Variants in KITLG observed in about 807,000 individuals in gnomAD.
KITLG encodes the protein c-Kit ligand.
Under a neutral mutation model 34.1 loss-of-function variants are expected in KITLG, and 13 were observed. The observed-to-expected ratio is 0.38, with a 90% CI of 0.25 to 0.61. The LOEUF (loss-of-function observed/expected upper bound fraction) is 0.61, where lower values mean the gene tolerates loss of function less well. Ranked by LOEUF, KITLG falls within the 20% of genes least tolerant of loss-of-function variation. The probability of loss-of-function intolerance (pLI) is 0.60; values close to 1 mark genes in which losing one functional copy is unlikely to be tolerated. For synonymous variants in KITLG, 110 were observed against 104.0 expected (o/e 1.06, Z -0.35); for missense variants, 292 against 318.9 (o/e 0.92, Z 0.64).
Position 88,542,873 on chromosome 12 carries a change from G to T in KITLG, c.129+2879C>A, listed in dbSNP as rs369289494. Among the ~76,000 whole-genome samples the T allele has an allele frequency of 5.9e-5, 9 of 152,192 alleles. No individual in the cohort carries two copies. In the East Asian group the frequency reaches 1.4e-3, roughly 23 times the overall value. ...TGACCTACTTTAAACATATTTTGGA[G>T]ATTTGTATTAATCTGGCATCCTTAT... On this transcript the variant is annotated intron_variant, in intron 2 of 9. Coordinates refer to ENST00000644744, the MANE Select transcript of KITLG (RefSeq NM_000899.5).
chr12:88,558,076 G>T (rs1172613945), intron 1 of KITLG, among the ~76,000 whole-genome samples: 2 of 152,146 alleles, frequency 1.3e-5, no homozygotes, highest in African/African-American at 4.8e-5. Context: ...TGTGAAATGA[G>T]CATAGGCTTC....
chr12:88,579,985 G>C (rs190054318), intron 1 of KITLG: 9 of 579,390 alleles, frequency 1.6e-5, no homozygotes, highest in South Asian at 4.3e-5. Flanking sequence ...TCCACCAGAC[G>C]GGAATTACGG....
intron 9 of KITLG, among the ~76,000 whole-genome samples, chr12:88,501,511 C>A (rs887818105): frequency 1.3e-5 from 2 of 152,164 alleles, no homozygotes; most frequent in African/African-American, 4.8e-5. Context: ...CCAGACCTTC[C>A]CTCTACTACA....
chr12:88,547,338 C>T (rs898510879), intron 1 of KITLG, among the ~76,000 whole-genome samples: 6 of 152,120 alleles, frequency 3.9e-5, no homozygotes, highest in Non-Finnish European at 8.8e-5. Flanking sequence ...GGTTTGTATT[C>T]AAGATTGAAA....
In KITLG at chr12:88,493,406, A is replaced by G. The variant is rs1013972609; in HGVS notation, c.*3813T>C. The G allele has an allele frequency of 1.3e-5, 2 of 152,336 alleles. No individual in the cohort carries two copies. The highest frequency in any genetic ancestry group is 4.1e-4 in the South Asian group (2 of 4,826). 9.4% of individuals were successfully genotyped at this position (152,336 alleles called of 1,614,324 possible). A position where few individuals can be genotyped will look rare whatever the true frequency, so the allele number is the denominator to read the frequency against. ...CTTGTTATAAAATGAAAGTACCATT[A>G]TTTTATTTTTACAAACAAAGGCATT... is the stretch of plus-strand genomic sequence containing the variant. On this transcript the variant is annotated 3_prime_UTR_variant, in exon 10 of 10. Transcript: ENST00000644744.
intron 6 of KITLG, among the ~76,000 whole-genome samples, chr12:88,512,480 G>A (rs1225452522): frequency 1.3e-5 from 2 of 151,846 alleles, no homozygotes; most frequent in Non-Finnish European, 2.9e-5. Flanking sequence ...TAAAAAATTT[G>A]AAAAATTTAT....
At chr12:88,527,623 GAGA>G (rs1269859559) in intron 3 of KITLG, among the ~76,000 whole-genome samples, 1 of 152,190 alleles carries the variant, frequency 6.6e-6, no homozygotes, top group Non-Finnish European at 1.5e-5. Context: ...CTTTGAGAAG[GAGA>G]AGGATTGCTT....
intron 6 of KITLG, among the ~76,000 whole-genome samples, chr12:88,509,255 A>G (rs1354504989): frequency 1.3e-5 from 2 of 152,218 alleles, no homozygotes; most frequent in African/African-American, 4.8e-5. Flanking sequence ...CAAGGTAGCC[A>G]AACACCATGT....
intron 9 of KITLG, among the ~76,000 whole-genome samples, chr12:88,504,871 C>G (rs1262706425): frequency 6.7e-6 from 1 of 150,322 alleles, no homozygotes; most frequent in Non-Finnish European, 1.5e-5. Context: ...ATCGCAAGGA[C>G]AGAAAACCAA....
intron 1 of KITLG, among the ~76,000 whole-genome samples, chr12:88,579,602 T>C (rs1592593394): frequency 6.6e-6 from 1 of 152,200 alleles, no homozygotes; most frequent in Admixed American, 6.5e-5. Flanking sequence ...CTTTATCCCT[T>C]TTGAAATGGA....
intron 6 of KITLG, among the ~76,000 whole-genome samples, chr12:88,513,103 G>A (rs1345923373): frequency 1.3e-5 from 2 of 151,776 alleles, no homozygotes; most frequent in African/African-American, 4.8e-5. Flanking sequence ...TATAACTGAT[G>A]TAGATATGTT....
At chr12:88,556,841 A>T (rs1871113075) in intron 1 of KITLG, among the ~76,000 whole-genome samples, 2 of 152,208 alleles carry the variant, frequency 1.3e-5, no homozygotes, top group Admixed American at 1.3e-4. Flanking sequence ...CCAATGGAAA[A>T]AAAATACCAA....
chr12:88,528,919 G>A (rs926249313), intron 3 of KITLG, among the ~76,000 whole-genome samples: 6 of 152,050 alleles, frequency 3.9e-5, no homozygotes, highest in South Asian at 2.1e-4. Context: ...ATTGAAAAAC[G>A]AATAAGATCC....
intron 1 of KITLG, among the ~76,000 whole-genome samples, chr12:88,577,025 T>C (rs1871850797): frequency 6.6e-6 from 1 of 152,198 alleles, no homozygotes; most frequent in Non-Finnish European, 1.5e-5. Flanking sequence ...ATGTTAAATG[T>C]AATCAACTTA....
intron 9 of KITLG, among the ~76,000 whole-genome samples, chr12:88,498,785 AC>A (rs1391864982): frequency 1.3e-5 from 2 of 151,896 alleles, no homozygotes; most frequent in African/African-American, 4.8e-5. Flanking sequence ...GAGGCACAAA[AC>A]CCCCTTCAAC....
chr12:88,536,947 C>T (rs755796830), intron 2 of KITLG, among the ~76,000 whole-genome samples: 2 of 151,998 alleles, frequency 1.3e-5, no homozygotes, highest in African/African-American at 2.4e-5. Context: ...ACAAACTGCA[C>T]GTTCTGCACT....
intron 1 of KITLG, among the ~76,000 whole-genome samples, chr12:88,565,084 C>T (rs1457067844): frequency 6.6e-6 from 1 of 152,174 alleles, no homozygotes; most frequent in Non-Finnish European, 1.5e-5. Flanking sequence ...ACATAAATAT[C>T]ATTCTAATAG....
At chr12:88,542,330 G>A (rs1200443601) in intron 2 of KITLG, among the ~76,000 whole-genome samples, 2 of 152,084 alleles carry the variant, frequency 1.3e-5, no homozygotes, top group Admixed American at 1.3e-4. Flanking sequence ...TTTGAAGTTT[G>A]TCAGCCCTAG....
At chr12:88,503,031 G>C (rs1213770922) in intron 9 of KITLG, among the ~76,000 whole-genome samples, 2 of 152,072 alleles carry the variant, frequency 1.3e-5, no homozygotes, top group Admixed American at 1.3e-4. Flanking sequence ...TCAAGCAAAC[G>C]GTCTATCCAT....
Sources: gnomAD v4.1 joint callset for allele counts (sites outside exome capture counted in the v4.1 genomes callset) on GRCh38, gnomAD v4.1.1 for gene constraint, MANE v1.5 for transcripts, NCBI Gene and HGNC (gene_info 2026-07-23, HGNC 2026-07-21) for gene names.